RBFOX1: variants seen among roughly 807,000 people sequenced by gnomAD.
RBFOX1 encodes RNA binding protein fox-1 homolog 1.
A neutral mutation model predicts 57.7 loss-of-function variants in RBFOX1; 8 were observed. The observed-to-expected ratio is 0.14, with a 90% confidence interval of 0.08 to 0.25. The LOEUF (loss-of-function observed/expected upper bound fraction) is 0.25, where lower values mean the gene tolerates loss of function less well. RBFOX1 is among the 10% of genes least tolerant of loss of function. RBFOX1 has a pLI of 1.00. For synonymous variants in RBFOX1, 326 were observed against 222.4 expected (o/e 1.47, Z -4.15); for missense variants, 611 against 548.5 (o/e 1.11, Z -1.14).
At chr16:7,616,467 G>A (rs1349278167) in intron 10 of RBFOX1, among the ~76,000 whole-genome samples, 1 of 152,226 alleles carries the variant, frequency 6.6e-6, no homozygotes, top group African/African-American at 2.4e-5. Context: ...CCATGCTATG[G>A]AGGTGTGAGG....
intron 2 of RBFOX1, among the ~76,000 whole-genome samples, chr16:6,489,541 T>C (rs1179288986): frequency 6.6e-6 from 1 of 152,170 alleles, no homozygotes; most frequent in Non-Finnish European, 1.5e-5. Context: ...CCAAAGTCTG[T>C]GTTCCTAGCC....
chr16:7,032,069 C>T (rs76020755), intron 3 of RBFOX1, among the ~76,000 whole-genome samples: 2 of 152,034 alleles, frequency 1.3e-5, no homozygotes, highest in African/African-American at 4.8e-5. Flanking sequence ...AAGCTGCCAG[C>T]AACTTTCGGA....
intron 1 of RBFOX1, among the ~76,000 whole-genome samples, chr16:5,328,081 C>T (rs1228182301): frequency 6.6e-6 from 1 of 152,090 alleles, no homozygotes; most frequent in Non-Finnish European, 1.5e-5. Context: ...CACCAGGAGA[C>T]GTGGATTTCT....
In RBFOX1 at chr16:6,654,651, G is replaced by T; in HGVS notation, c.-16+1G>T. 6.6e-7 allele frequency: 1 copy of T among 1,508,402 alleles called. No individual in the cohort carries two copies. The highest frequency in any genetic ancestry group is 8.8e-7 in the Non-Finnish European group (1 of 1,137,138). 93.4% of individuals were successfully genotyped at this position (1,508,402 alleles called of 1,614,324 possible). A position where few individuals can be genotyped will look rare whatever the true frequency, so the allele number is the denominator to read the frequency against. On this transcript the variant is annotated splice_donor_variant, in intron 3 of 15. Coordinates refer to ENST00000550418, the MANE Select transcript of RBFOX1 (RefSeq NM_018723.4). LOFTEE classifies it low-confidence loss of function (5UTR_SPLICE). Reference sequence around the variant, plus strand: ...CTGCGTGGAAATAGAAGACAGAAAGGTGAGTCAATATTTTTCATTTTTAGG... The same window carrying T: ...CTGCGTGGAAATAGAAGACAGAAAGTTGAGTCAATATTTTTCATTTTTAGG...
intron 3 of RBFOX1, among the ~76,000 whole-genome samples, chr16:6,968,373 C>A (rs1309451578): frequency 6.6e-6 from 1 of 152,198 alleles, no homozygotes; most frequent in East Asian, 1.9e-4. Context: ...ACTTATTTTT[C>A]CTCCTTCATC....
chr16:6,000,907 G>A (rs948104415), intron 4 of RBFOX1, among the ~76,000 whole-genome samples: 1 of 140,370 alleles, frequency 7.1e-6, no homozygotes, highest in Admixed American at 7.0e-5. Flanking sequence ...GTGGGTGGGT[G>A]GGCGGGTAGG....
At chr16:7,415,449 C>T (rs1597869710) in intron 4 of RBFOX1, among the ~76,000 whole-genome samples, 1 of 152,104 alleles carries the variant, frequency 6.6e-6, no homozygotes, top group South Asian at 2.1e-4. Context: ...CTGAATTTCC[C>T]AGCAATGAGT....
At chr16:5,395,500 G>A (rs2066525839) in intron 1 of RBFOX1, among the ~76,000 whole-genome samples, 3 of 152,186 alleles carry the variant, frequency 2.0e-5, no homozygotes, top group African/African-American at 7.2e-5. Context: ...TGGCTTGGCT[G>A]CGTGGTTGAG....
chr16:5,760,384 A>G (rs955834441), intron 3 of RBFOX1, among the ~76,000 whole-genome samples: 2 of 152,122 alleles, frequency 1.3e-5, no homozygotes, highest in African/African-American at 4.8e-5. Context: ...ACACGTATAT[A>G]CATATACATA....
intron 1 of RBFOX1, among the ~76,000 whole-genome samples, chr16:5,255,059 G>C (rs1162788140): frequency 1.3e-5 from 2 of 152,172 alleles, no homozygotes; most frequent in East Asian, 3.8e-4. Context: ...GCTGTCATCA[G>C]ATCAACATCT....
intron 3 of RBFOX1, among the ~76,000 whole-genome samples, chr16:7,006,474 G>T (rs147015346): frequency 6.6e-6 from 1 of 152,010 alleles, no homozygotes; most frequent in Non-Finnish European, 1.5e-5. Flanking sequence ...TTTATGTAGA[G>T]ACAGGGTGTC....
intron 4 of RBFOX1, among the ~76,000 whole-genome samples, chr16:7,392,391 G>T (rs997738866): frequency 6.6e-6 from 1 of 152,140 alleles, no homozygotes; most frequent in African/African-American, 2.4e-5. Flanking sequence ...ATAGCTACTT[G>T]AGGAAATGCC....
intron 2 of RBFOX1, among the ~76,000 whole-genome samples, chr16:6,511,318 A>G (rs775469808): frequency 1.3e-5 from 2 of 152,166 alleles, no homozygotes; most frequent in Non-Finnish European, 2.9e-5. Context: ...ACACATGCAA[A>G]TTGCCTAAAA....
At position 5,954,144 on chromosome 16, in the gene RBFOX1, C is replaced by G. The variant is rs550317985; in HGVS notation, c.351+86809C>G. Among the ~76,000 whole-genome samples, 3 of 152,290 alleles carry G rather than the reference C, an allele frequency of 2.0e-5. No homozygotes were observed. The East Asian group carries it at 5.8e-4, about 29-fold the overall frequency. On this transcript the variant is annotated intron_variant, in intron 4 of 19. Transcript: ENST00000641259. ...CGTCAGTGGTGCTGAGGTTGAGAACCTCTTCCCTTGTGTTTGCCTCAGTGT... is the reference window on the plus strand; with the variant it reads ...CGTCAGTGGTGCTGAGGTTGAGAACGTCTTCCCTTGTGTTTGCCTCAGTGT...
intron 4 of RBFOX1, among the ~76,000 whole-genome samples, chr16:7,269,395 C>T (rs139935943): frequency 6.6e-6 from 1 of 152,054 alleles, no homozygotes; most frequent in African/African-American, 2.4e-5. Flanking sequence ...CCCAAATAAT[C>T]ACTTTTTAAA....
chr16:7,001,945 G>T (rs1314538712), intron 3 of RBFOX1, among the ~76,000 whole-genome samples: 1 of 151,892 alleles, frequency 6.6e-6, no homozygotes, highest in African/African-American at 2.4e-5. Context: ...TTTTCTCCTG[G>T]AGTTTCTTCT....
At chr16:6,150,356 G>A (rs928362328) in intron 1 of RBFOX1, among the ~76,000 whole-genome samples, 2 of 152,142 alleles carry the variant, frequency 1.3e-5, no homozygotes, top group Non-Finnish European at 2.9e-5. Context: ...AGAGAACCAG[G>A]AGAGAAGAGT....
intron 2 of RBFOX1, among the ~76,000 whole-genome samples, chr16:5,519,466 G>A (rs1457475334): frequency 6.6e-6 from 1 of 152,216 alleles, no homozygotes; most frequent in African/African-American, 2.4e-5. Context: ...GCTCATGCCT[G>A]TAATCCCAGT....
At chr16:6,384,060 C>CTTTTTTTTTTTTT in intron 2 of RBFOX1, among the ~76,000 whole-genome samples, 1 of 126,640 alleles carries the variant, frequency 7.9e-6, no homozygotes, top group Non-Finnish European at 1.7e-5. Context: ...ATTGGTTTTG[C>CTTTTTTTTTTTTT]TTTTTTTTTT....
Sources: gnomAD v4.1 joint callset for allele counts (sites outside exome capture counted in the v4.1 genomes callset) on GRCh38, gnomAD v4.1.1 for gene constraint, MANE v1.5 for transcripts, NCBI Gene and HGNC (gene_info 2026-07-23, HGNC 2026-07-21) for gene names.